The following BATF variants were observed in gnomAD, a reference collection of about 807,000 sequenced individuals.
BATF encodes basic leucine zipper ATF-like transcription factor, also known as basic leucine zipper transcriptional factor ATF-like.
Under a neutral mutation model 13.7 loss-of-function variants are expected in BATF, and 5 were observed. The ratio of observed to expected loss-of-function variants is 0.36; its 90% CI spans 0.19 to 0.77. BATF has a LOEUF of 0.77. Ranked by LOEUF, BATF falls within the 30% of genes least tolerant of loss-of-function variation. The probability of loss-of-function intolerance (pLI) is 0.51; values close to 1 mark genes in which losing one functional copy is unlikely to be tolerated. For synonymous variants in BATF, 72 were observed against 67.5 expected (o/e 1.07, Z -0.33); for missense variants, 124 against 163.0 (o/e 0.76, Z 1.30).
chr14:75,546,791 G>A lies in BATF; in HGVS notation c.*120G>A, dbSNP rs1288714356. ...CCGGAGACAGAGGCCTGGACAAGGA[G>A]TGAACACGGGAACTGTCACGACTGG... On this transcript the variant is annotated 3_prime_UTR_variant, in exon 3 of 3. Transcript: ENST00000286639. The A allele has an allele frequency of 3.9e-6, 5 of 1,287,420 alleles. No individual in the cohort carries two copies. Among genetic ancestry groups the A allele is most frequent in the Middle Eastern group, 2.2e-4 (1 of 4,532 alleles). 79.7% of individuals were successfully genotyped at this position (1,287,420 alleles called of 1,614,324 possible). A position where few individuals can be genotyped will look rare whatever the true frequency, so the allele number is the denominator to read the frequency against.
chr14:75,545,493 C>T (rs1887968349), intron 2 of BATF, among the ~76,000 whole-genome samples: 1 of 151,396 alleles, frequency 6.6e-6, no homozygotes, highest in African/African-American at 2.4e-5. Context: ...CCTCCGCCTC[C>T]CAAAATGCTA....
At chr14:75,539,235 C>T (rs924364012) in intron 2 of BATF, among the ~76,000 whole-genome samples, 1 of 152,108 alleles carries the variant, frequency 6.6e-6, no homozygotes, top group Non-Finnish European at 1.5e-5. Context: ...AGATGGGTGC[C>T]GAGCCTCTCG....
At chr14:75,539,424 ATTTTTTTTTTTT>A (rs1162218076) in intron 2 of BATF, among the ~76,000 whole-genome samples, 52 of 58,556 alleles carry the variant, frequency 8.9e-4, no homozygotes, top group African/African-American at 2.9e-3. Flanking sequence ...GTAAGCTGGA[ATTTTTTTTTTTT>A]TTTTTTTTTT....
In BATF at chr14:75,531,733, G is replaced by A. The variant is rs10147027; in HGVS notation, c.168+6545G>A. Among the ~76,000 whole-genome samples, 372 of 152,278 alleles carry A rather than the reference G, an allele frequency of 2.4e-3. 3 individuals are homozygous for A. Among genetic ancestry groups the A allele is most frequent in the African/African-American group, 8.7e-3 (360 of 41,534 alleles). On this transcript the variant is annotated intron_variant, in intron 2 of 2. Transcript: ENST00000286639. ...TGTGAGAAATACGGTATTTACAATT[G>A]GAGAAAAATTGAGTAATGGAGGAAA...
intron 2 of BATF, among the ~76,000 whole-genome samples, chr14:75,541,437 CTG>C (rs1236009955): frequency 6.6e-6 from 1 of 152,198 alleles, no homozygotes; most frequent in Non-Finnish European, 1.5e-5. Flanking sequence ...GGACCTGGCT[CTG>C]TGTCTGGAGG....
chr14:75,546,062 A>C (rs2540115), intron 2 of BATF, among the ~76,000 whole-genome samples: 1 of 151,896 alleles, frequency 6.6e-6, no homozygotes, highest in Non-Finnish European at 1.5e-5. Flanking sequence ...GGGTTTTGCC[A>C]CGTTGCCCAG....
chr14:75,542,677 G>T (rs951028632), intron 2 of BATF, among the ~76,000 whole-genome samples: 7 of 152,238 alleles, frequency 4.6e-5, no homozygotes, highest in African/African-American at 1.7e-4. Flanking sequence ...TAAGTGTCAG[G>T]CTGGCTGCAC....
chr14:75,546,626 C>T lies in BATF; in HGVS notation c.333C>T (p.His111=), dbSNP rs748110657. The part of the protein sequence containing the change: ...PSPPEVVYSA[H]AFHQPHVSSP... The stretch of plus-strand genomic sequence containing the variant: ...CCCCCGAGGTGGTGTACAGCGCCCA[C>T]GCATTCCACCAACCTCATGTCAGCT... The change falls in exon 3 of 3, where the codon CAC becomes CAT. Residue 111 remains histidine (H), a synonymous_variant. Transcript: ENST00000286639. 14 of 1,612,868 alleles carry T rather than the reference C, an allele frequency of 8.7e-6. No individual in the cohort carries two copies. In the African/African-American group the frequency reaches 1.2e-4, roughly 14 times the overall value.
chr14:75,532,444 T>G (rs919736194), intron 2 of BATF, among the ~76,000 whole-genome samples: 3 of 152,326 alleles, frequency 2.0e-5, no homozygotes, highest in African/African-American at 7.2e-5. Flanking sequence ...TCAACATATA[T>G]AGATAGGTAC....
chr14:75,535,474 T>C (rs1887804260), intron 2 of BATF, among the ~76,000 whole-genome samples: 1 of 152,170 alleles, frequency 6.6e-6, no homozygotes, highest in Non-Finnish European at 1.5e-5. Flanking sequence ...ACTAGGATCA[T>C]GGGCGTTTTT....
chr14:75,543,319 C>T (rs560432804), intron 2 of BATF, among the ~76,000 whole-genome samples: 2 of 152,160 alleles, frequency 1.3e-5, no homozygotes, highest in African/African-American at 4.8e-5. Flanking sequence ...TTGTACTGAC[C>T]TTGGCACACT....
chr14:75,526,338 C>T (rs948873847), intron 2 of BATF, among the ~76,000 whole-genome samples: 1 of 152,204 alleles, frequency 6.6e-6, no homozygotes, highest in African/African-American at 2.4e-5. Flanking sequence ...CCTTCCTGCC[C>T]TTGCTCCAGA....
chr14:75,539,245 G>A (rs1887861213), intron 2 of BATF, among the ~76,000 whole-genome samples: 2 of 152,040 alleles, frequency 1.3e-5, no homozygotes, highest in African/African-American at 2.4e-5. Flanking sequence ...CGAGCCTCTC[G>A]GCATCAGTCT....
intron 2 of BATF, among the ~76,000 whole-genome samples, chr14:75,527,718 C>A (rs1450667355): frequency 6.6e-6 from 1 of 152,302 alleles, no homozygotes; most frequent in East Asian, 1.9e-4. Context: ...AGCCCCAAGT[C>A]ATATAGTCAA....
intron 2 of BATF, among the ~76,000 whole-genome samples, chr14:75,531,561 G>T (rs1887734240): frequency 6.6e-6 from 1 of 152,178 alleles, no homozygotes; most frequent in Admixed American, 6.5e-5. Context: ...AGTGGGCCAG[G>T]TGCTTGCCTG....
At position 75,546,893 on chromosome 14, in the gene BATF, C is replaced by A. The variant is rs781201442; in HGVS notation, c.*222C>A. On this transcript the variant is annotated 3_prime_UTR_variant, in exon 3 of 3. Coordinates refer to ENST00000286639, the MANE Select transcript of BATF (RefSeq NM_006399.5). ...GGACCCCACCACTGTGGGTTGCAGG[C>A]CCAATGCAGAAGAGTATTAAGAAAG... The A allele has an allele frequency of 5.3e-5, 38 of 718,754 alleles. No individual in the cohort carries two copies. In the South Asian group the frequency reaches 5.6e-4, roughly 11 times the overall value. 44.5% of individuals were successfully genotyped at this position (718,754 alleles called of 1,614,324 possible).
At chr14:75,528,040 C>T (rs1261338385) in intron 2 of BATF, among the ~76,000 whole-genome samples, 1 of 152,110 alleles carries the variant, frequency 6.6e-6, no homozygotes, top group Non-Finnish European at 1.5e-5. Flanking sequence ...ATCCATTATC[C>T]TCTTAATTAT....
intron 2 of BATF, among the ~76,000 whole-genome samples, chr14:75,542,697 G>C (rs373628176): frequency 1.4e-4 from 22 of 152,240 alleles, no homozygotes; most frequent in African/African-American, 5.3e-4. Context: ...CGGTCCCTGG[G>C]CTGGCAGGGC....
chr14:75,537,783 T>C (rs28538080), intron 2 of BATF, among the ~76,000 whole-genome samples: 1,896 of 151,986 alleles, frequency 0.012, 36 homozygotes, highest in African/African-American at 0.043. Flanking sequence ...TTTAATATTA[T>C]ACTATAAATG....
Sources: allele counts gnomAD v4.1 joint callset (sites outside exome capture counted in the v4.1 genomes callset), GRCh38; gene constraint gnomAD v4.1.1; transcripts MANE v1.5; gene names NCBI Gene and HGNC (gene_info 2026-07-23, HGNC 2026-07-21).